The following PCNT variants were observed in gnomAD, a reference collection of about 807,000 sequenced individuals.
The protein encoded by PCNT is pericentrin.
In PCNT, 319 loss-of-function variants were observed where a neutral mutation model predicts 380.4. The observed-to-expected ratio is 0.84, with a 90% CI of 0.77 to 0.92. The LOEUF is 0.92. Ranked by LOEUF, PCNT falls within the 40% of genes least tolerant of loss-of-function variation. The pLI, the probability that PCNT is intolerant of heterozygous loss-of-function variation, is 0.00. For missense variants in PCNT, 4,400 were observed against 4,255.3 expected (o/e 1.03, Z -0.95); for synonymous variants, 1,845 against 1,735.2 (o/e 1.06, Z -1.57).
At chr21:46,391,726 A>G (rs979259330) in intron 21 of PCNT, among the ~76,000 whole-genome samples, 1 of 152,260 alleles carries the variant, frequency 6.6e-6, no homozygotes. Context: ...AAAATAACCA[A>G]GTGCCTGATA....
chr21:46,379,688 T>A (rs2147114788), intron 15 of PCNT, among the ~76,000 whole-genome samples: 2 of 152,284 alleles, frequency 1.3e-5, no homozygotes, highest in Middle Eastern at 3.4e-3. Context: ...AGCGTGTGAA[T>A]TCTGTCTTCT....
At chr21:46,402,198 A>G in intron 26 of PCNT, 133 bp from the exon 27 acceptor site, 1 of 622,774 alleles carries the variant, frequency 1.6e-6, no homozygotes, top group Non-Finnish European at 2.7e-6. Context: ...GTGCGGGTAC[A>G]GGTACAGGGT....
intron 15 of PCNT, among the ~76,000 whole-genome samples, chr21:46,381,228 G>C (rs1194205240): frequency 2.1e-4 from 25 of 121,184 alleles, no homozygotes; most frequent in African/African-American, 9.2e-4. Context: ...GTGTGTGTGT[G>C]TGTGTGTGTG....
chr21:46,336,699 G>T (rs551374000), intron 3 of PCNT, among the ~76,000 whole-genome samples: 1 of 152,294 alleles, frequency 6.6e-6, no homozygotes, highest in South Asian at 2.1e-4. Context: ...CTCCTGCTGG[G>T]ATGTTGCTGC....
rs560699907 is a variant in PCNT at position 46,377,771 on chromosome 21, C to G, written c.3166-3923C>G. On this transcript the variant is annotated intron_variant, in intron 15 of 46. Coordinates refer to ENST00000359568, the MANE Select transcript of PCNT (RefSeq NM_006031.6). ...CTGAGGTGGGAGGACCACTGGAGCC[C>G]AGAAGGTTGAAGCTGTAGCAAGCTG... 5.3e-5 allele frequency among the ~76,000 whole-genome samples: 8 copies of G among 152,302 alleles called. No individual in the cohort carries two copies. The South Asian group carries it at 1.7e-3, about 32-fold the overall frequency.
rs746353573 is a variant in PCNT at position 46,425,998 on chromosome 21, T to C, written c.7320+27T>C. 6.2e-7 allele frequency: 1 copy of C among 1,613,648 alleles called. No homozygotes were observed. The highest frequency in any genetic ancestry group is 8.5e-7 in the Non-Finnish European group (1 of 1,179,776). On this transcript the variant is annotated intron_variant, in intron 33 of 46. Coordinates refer to ENST00000359568, the MANE Select transcript of PCNT (RefSeq NM_006031.6). This position sits in a 1 kb window ranked among gnomAD's most constrained non-coding sequence, Gnocchi z 4.2. The stretch of plus-strand genomic sequence containing the variant: ...TTTATTTTGCCCTTCACACACTTCT[T>C]TTCCAAAGGATTTAAGGAGCTTGTG...
In PCNT at chr21:46,444,085, G is replaced by A. The variant is rs80055066; in HGVS notation, c.9839+137G>A. 0.011 allele frequency: 10,031 copies of A among 947,018 alleles called. 97 individuals carry two copies. The highest frequency in any genetic ancestry group is 0.011 in the Non-Finnish European group (7,279 of 649,436). 58.7% of individuals were successfully genotyped at this position (947,018 alleles called of 1,614,324 possible). On this transcript the variant is annotated intron_variant, in intron 45 of 46. Coordinates refer to ENST00000359568, the MANE Select transcript of PCNT (RefSeq NM_006031.6). Reference sequence around the variant, plus strand: ...GCAGGAAACTCTCCAGCGTGAGTCCGTGAGGGCCAAGAAGTCCCGCCCTGT... The same window carrying A: ...GCAGGAAACTCTCCAGCGTGAGTCCATGAGGGCCAAGAAGTCCCGCCCTGT...
chr21:46,393,678 C>A (rs1166872367), intron 21 of PCNT, among the ~76,000 whole-genome samples: 1 of 152,198 alleles, frequency 6.6e-6, no homozygotes, highest in Non-Finnish European at 1.5e-5. Flanking sequence ...AGGCCGGGGC[C>A]CTGTGGCTAG....
rs775124083 is a variant in PCNT at position 46,416,549 on chromosome 21, C to T, written c.6631C>T (p.Pro2211Ser). The T allele has an allele frequency of 4.7e-5, 76 of 1,613,064 alleles. No homozygotes were observed. The highest frequency in any genetic ancestry group is 1.6e-4 in the Middle Eastern group (1 of 6,062). Residue 2211 changes from proline (P) to serine (S), a missense_variant, in exon 30 of 47, where the codon CCC becomes TCC. Coordinates refer to ENST00000359568, the MANE Select transcript of PCNT (RefSeq NM_006031.6). ...RHQSHTAEAG[P>S]RKSPVGMLDL... Reference sequence around the variant, plus strand: ...CCAGAGCCACACTGCAGAGGCTGGGCCCCGGAAGAGCCCGGTCGGGATGCT... The same window carrying T: ...CCAGAGCCACACTGCAGAGGCTGGGTCCCGGAAGAGCCCGGTCGGGATGCT...
intron 6 of PCNT, among the ~76,000 whole-genome samples, chr21:46,347,743 C>T (rs1238450211): frequency 3.3e-5 from 5 of 152,218 alleles, no homozygotes; most frequent in South Asian, 2.1e-4. Flanking sequence ...AGGCACTGCT[C>T]GGCCCCTCCA....
intron 15 of PCNT, among the ~76,000 whole-genome samples, chr21:46,379,438 T>C (rs1380379003): frequency 6.6e-6 from 1 of 152,246 alleles, no homozygotes; most frequent in East Asian, 1.9e-4. Flanking sequence ...AGTGTGGGTC[T>C]CTGTCAGTTT....
chr21:46,428,022 C>T (rs2087583325), intron 34 of PCNT, among the ~76,000 whole-genome samples: 2 of 152,200 alleles, frequency 1.3e-5, no homozygotes, highest in South Asian at 4.1e-4. Flanking sequence ...CACCCTCAGG[C>T]CTCACTCTTT....
Position 46,357,168 on chromosome 21 carries a change from C to G in PCNT, c.2131C>G (p.Arg711Gly), listed in dbSNP as rs370229951. The G allele has an allele frequency of 6.2e-7, 1 of 1,612,522 alleles. No homozygotes were observed. The change falls in exon 13 of 47, where the codon CGT (arginine) becomes GGT (glycine). Residue 711 changes from arginine (R) to glycine (G), a missense_variant. Coordinates refer to ENST00000359568, the MANE Select transcript of PCNT (RefSeq NM_006031.6). ...NLYGKLQHET[R>G]LKDDLEKVKH... ...GTATGGGAAGTTGCAGCATGAAACT[C>G]GTCTGAAGGACGATTTGGAGAAGGT...
intron 32 of PCNT, among the ~76,000 whole-genome samples, chr21:46,422,832 G>T (rs948760914): frequency 1.3e-5 from 2 of 152,214 alleles, no homozygotes; most frequent in Non-Finnish European, 2.9e-5. Flanking sequence ...GCTGCTGGCC[G>T]CAGCTCCCGT....
At chr21:46,429,883 C>A in intron 35 of PCNT, 127 bp from the exon 36 acceptor site, 1 of 728,052 alleles carries the variant, frequency 1.4e-6, no homozygotes, top group Admixed American at 2.2e-5. Context: ...GCTTCTAGTC[C>A]ACAGAACCTC....
At chr21:46,396,351 T>G (rs2086209781) in intron 21 of PCNT, among the ~76,000 whole-genome samples, 1 of 152,210 alleles carries the variant, frequency 6.6e-6, no homozygotes, top group Non-Finnish European at 1.5e-5. Context: ...CCATCTCTGC[T>G]TCTAAGGCAG....
At chr21:46,403,073 T>C (rs1442447083) in intron 27 of PCNT, among the ~76,000 whole-genome samples, 1 of 152,288 alleles carries the variant, frequency 6.6e-6, no homozygotes, top group Non-Finnish European at 1.5e-5. Flanking sequence ...ACAGATGCCC[T>C]TGAAAGACCT....
At chr21:46,352,270 T>G (rs1478151793) in intron 9 of PCNT, among the ~76,000 whole-genome samples, 3 of 152,244 alleles carry the variant, frequency 2.0e-5, no homozygotes, top group African/African-American at 2.4e-5. Flanking sequence ...ACACTGCCAC[T>G]GTCACCAGGG....
chr21:46,443,980 G>C (rs1455552341), intron 45 of PCNT, 32 bp downstream of exon 45: 2 of 1,604,508 alleles, frequency 1.2e-6, no homozygotes, highest in African/African-American at 2.7e-5. Context: ...CCCGTCTCCT[G>C]CCAGGGCTCT....
Sources: allele counts gnomAD v4.1 joint callset (sites outside exome capture counted in the v4.1 genomes callset), GRCh38; gene constraint gnomAD v4.1.1; non-coding constraint Gnocchi (gnomAD v3.1); transcripts MANE v1.5; gene names NCBI Gene and HGNC (gene_info 2026-07-23, HGNC 2026-07-21).